Variants in STAP1 observed in about 807,000 individuals in gnomAD.
STAP1 encodes signal-transducing adaptor protein 1.
STAP1 carries 30 observed loss-of-function variants against 37.8 expected under a neutral mutation model. The observed-to-expected ratio is 0.79, with a 90% CI of 0.59 to 1.08. The LOEUF (loss-of-function observed/expected upper bound fraction) is 1.08. Ranked by LOEUF, STAP1 falls within the 50% of genes least tolerant of loss-of-function variation. The pLI, the probability that STAP1 is intolerant of heterozygous loss-of-function variation, is 0.00. For missense variants in STAP1, 357 were observed against 349.4 expected, an observed-to-expected ratio of 1.02 and a Z score of -0.17; for synonymous variants, 130 against 116.0, an observed-to-expected ratio of 1.12 and a Z score of -0.78.
intron 1 of STAP1, among the ~76,000 whole-genome samples, chr4:67,567,250 C>A (rs557453028): frequency 6.6e-6 from 1 of 152,244 alleles, no homozygotes; most frequent in African/African-American, 2.4e-5. Context: ...CTTTGAGGAC[C>A]ATTTATTGGC....
intron 1 of STAP1, among the ~76,000 whole-genome samples, chr4:67,566,542 C>T (rs1727475479): frequency 6.6e-6 from 1 of 152,172 alleles, no homozygotes. Context: ...CACTCACTCT[C>T]TCCTGGTAGA....
intron 1 of STAP1, among the ~76,000 whole-genome samples, chr4:67,564,577 C>T (rs1727423241): frequency 1.3e-5 from 2 of 152,038 alleles, no homozygotes; most frequent in South Asian, 4.2e-4. Flanking sequence ...TCAGGGTTTT[C>T]TCTTGTATTT....
rs1419164577 is a variant in STAP1 at position 67,581,369 on chromosome 4, A to G, written c.428A>G (p.Glu143Gly). ...GQVIKLHEVL[E>G]REKKRRIETE... ...GTAATTAAACTGCATGAAGTCCTAGAGAGAGAAAAGAAAAGGAGGATTGAG... is the reference window on the plus strand; with the variant it reads ...GTAATTAAACTGCATGAAGTCCTAGGGAGAGAAAAGAAAAGGAGGATTGAG... Residue 143 changes from glutamate to glycine, a missense_variant, in exon 5 of 9, where the codon GAG becomes GGG. By Grantham distance (98) the Glu-to-Gly change is moderately conservative. Coordinates refer to ENST00000265404, the MANE Select transcript of STAP1 (RefSeq NM_012108.4). 1 of 1,614,128 alleles carries G rather than the reference A, an allele frequency of 6.2e-7. No individual in the cohort carries two copies. The highest frequency in any genetic ancestry group is 1.3e-5 in the African/African-American group (1 of 75,044).
intron 4 of STAP1, among the ~76,000 whole-genome samples, chr4:67,577,522 G>C (rs1393307179): frequency 6.6e-6 from 1 of 152,140 alleles, no homozygotes; most frequent in Non-Finnish European, 1.5e-5. Context: ...GGAGTAACGG[G>C]TGGTAAAGGA....
intron 6 of STAP1, among the ~76,000 whole-genome samples, chr4:67,589,255 A>G (rs951526101): frequency 6.6e-6 from 1 of 152,172 alleles, no homozygotes; most frequent in Non-Finnish European, 1.5e-5. Flanking sequence ...TCTGTGTCCA[A>G]AAATGCTTCC....
At chr4:67,592,769 G>T (rs191235842) in intron 7 of STAP1, among the ~76,000 whole-genome samples, 1 of 151,980 alleles carries the variant, frequency 6.6e-6, no homozygotes, top group Non-Finnish European at 1.5e-5. Flanking sequence ...ATGCAGCCTC[G>T]AACTCCTGGA....
At chr4:67,571,010 A>C (rs935181985) in intron 1 of STAP1, 74 bp from the exon 2 acceptor site, 5 of 1,227,618 alleles carry the variant, frequency 4.1e-6, no homozygotes, top group Admixed American at 3.8e-5. Flanking sequence ...TAAGAAAGTT[A>C]CAAAGGATAA....
chr4:67,569,437 A>G (rs1218150174), intron 1 of STAP1, among the ~76,000 whole-genome samples: 2 of 152,078 alleles, frequency 1.3e-5, no homozygotes, highest in African/African-American at 2.4e-5. Flanking sequence ...CTTTTTCATT[A>G]ACAAATTCAT....
At position 67,606,257 on chromosome 4, in the gene STAP1, T is replaced by G. The variant is rs1365702234; in HGVS notation, c.827-39T>G. On this transcript the variant is annotated intron_variant, in intron 8 of 8. Coordinates refer to ENST00000265404, the MANE Select transcript of STAP1 (RefSeq NM_012108.4). ...TAAAGAACCACCGTTTTCTACAATATTGGTTCGCTAATTAAGTTTTTCTAC... is the reference window on the plus strand; with the variant it reads ...TAAAGAACCACCGTTTTCTACAATAGTGGTTCGCTAATTAAGTTTTTCTAC... 5 of 1,554,072 alleles carry G rather than the reference T, an allele frequency of 3.2e-6. No homozygotes were observed. The South Asian group carries it at 5.8e-5, about 18-fold the overall frequency.
chr4:67,596,135 G>T (rs540176596), intron 8 of STAP1, among the ~76,000 whole-genome samples: 3 of 148,468 alleles, frequency 2.0e-5, no homozygotes, highest in Non-Finnish European at 4.4e-5. Flanking sequence ...CCTGGTAGGA[G>T]GCAATTGGAT....
At position 67,606,732 on chromosome 4, in the gene STAP1, A is replaced by G. The variant is rs115377265; in HGVS notation, c.*375A>G. 392 of 159,980 alleles carry G rather than the reference A, an allele frequency of 2.5e-3. No homozygotes were observed. The highest frequency in any genetic ancestry group is 9.0e-3 in the African/African-American group (377 of 41,956). The allele number at this position is 159,980 out of a possible 1,614,324, so 9.9% of individuals were successfully genotyped here. On this transcript the variant is annotated 3_prime_UTR_variant, in exon 9 of 9. Coordinates refer to ENST00000265404, the MANE Select transcript of STAP1 (RefSeq NM_012108.4). Reference sequence around the variant, plus strand: ...TTCTAAATTTTACCAATTCCCAAAAAACCTAAGTTTTGCTGAAATCTGATT... The same window carrying G: ...TTCTAAATTTTACCAATTCCCAAAAGACCTAAGTTTTGCTGAAATCTGATT...
intron 4 of STAP1, among the ~76,000 whole-genome samples, chr4:67,580,819 G>A (rs949873444): frequency 3.9e-5 from 6 of 152,164 alleles, no homozygotes; most frequent in African/African-American, 9.7e-5. Context: ...CACCACAGAC[G>A]CAAAATTTCG....
chr4:67,590,821 A>T, intron 6 of STAP1, 63 bp from the exon 7 acceptor site: 1 of 1,020,506 alleles, frequency 9.8e-7, no homozygotes, highest in Non-Finnish European at 1.4e-6. Context: ...TTTTATATTT[A>T]CTTTAGTTTG....
At position 67,575,464 on chromosome 4, in the gene STAP1, C is replaced by A; in HGVS notation, c.272C>A (p.Thr91Asn). ...ACTGAAAAGAACTGTGCGAAATTCACCCTTGTTTTGCCGAAAGAGGAAGTA... is the reference window on the plus strand; with the variant it reads ...ACTGAAAAGAACTGTGCGAAATTCAACCTTGTTTTGCCGAAAGAGGAAGTA... ...NSTEKNCAKFTLVLPKEEVQL... is the reference protein window; with the variant it reads ...NSTEKNCAKFNLVLPKEEVQL... Residue 91 changes from threonine (T) to asparagine (N), a missense_variant, in exon 3 of 9, where the codon ACC (threonine) becomes AAC (asparagine). Thr to Asn is a moderately conservative substitution (Grantham distance 65). Transcript: ENST00000265404. 6.2e-7 allele frequency: 1 copy of A among 1,611,476 alleles called. No individual in the cohort carries two copies. The highest frequency in any genetic ancestry group is 8.5e-7 in the Non-Finnish European group (1 of 1,179,048).
chr4:67,601,428 T>C (rs920679839), intron 8 of STAP1, among the ~76,000 whole-genome samples: 2 of 152,216 alleles, frequency 1.3e-5, no homozygotes, highest in Admixed American at 1.3e-4. Flanking sequence ...CTGTTTTGTC[T>C]ATTACCACCA....
chr4:67,560,955 T>C (rs554685353), intron 1 of STAP1, among the ~76,000 whole-genome samples: 2 of 152,288 alleles, frequency 1.3e-5, no homozygotes, highest in East Asian at 3.9e-4. Flanking sequence ...GACCACTAAG[T>C]ACCTTTTACT....
Position 67,596,912 on chromosome 4 carries a change from A to G in STAP1, c.826+3556A>G, listed in dbSNP as rs192131639. ...GGTTTGGAAAATTTGCAGCCTGACC[A>G]TGTGGTAGAAAAGAAAACCCATTTT... On this transcript the variant is annotated intron_variant, in intron 8 of 8. Coordinates refer to ENST00000265404, the MANE Select transcript of STAP1 (RefSeq NM_012108.4). Among the ~76,000 whole-genome samples the G allele has an allele frequency of 2.6e-3, 401 of 152,340 alleles. 1 individual carries two copies. The highest frequency in any genetic ancestry group is 9.2e-3 in the African/African-American group (381 of 41,574).
At chr4:67,592,299 ATTC>A (rs569811228) in intron 7 of STAP1, among the ~76,000 whole-genome samples, 55 of 152,114 alleles carry the variant, frequency 3.6e-4, no homozygotes, top group African/African-American at 1.3e-3. Context: ...TGGCTCAGGA[ATTC>A]TTTTTCCTCT....
intron 4 of STAP1, among the ~76,000 whole-genome samples, chr4:67,578,058 C>A (rs1727765833): frequency 6.6e-6 from 1 of 152,102 alleles, no homozygotes; most frequent in African/African-American, 2.4e-5. Context: ...AATGAAAACT[C>A]ACCTTTAAAC....
Sources: gnomAD v4.1 joint callset for allele counts (sites outside exome capture counted in the v4.1 genomes callset) on GRCh38, gnomAD v4.1.1 for gene constraint, MANE v1.5 for transcripts, NCBI Gene and HGNC (gene_info 2026-07-23, HGNC 2026-07-21) for gene names.